Variants in FAM120B observed in about 807,000 individuals in gnomAD.
The protein encoded by FAM120B is family with sequence similarity 120 member B, also known as constitutive coactivator of peroxisome proliferator-activated receptor gamma.
A neutral mutation model predicts 96.3 loss-of-function variants in FAM120B; 83 were observed. The observed-to-expected ratio is 0.86, with a 90% CI of 0.72 to 1.03. FAM120B has a LOEUF of 1.03. FAM120B is among the 50% of genes least tolerant of loss of function. The pLI, the probability that FAM120B is intolerant of heterozygous loss-of-function variation, is 0.00. For missense variants in FAM120B, 1,027 were observed against 1,121.2 expected (o/e 0.92, Z 1.20); for synonymous variants, 407 against 402.7 (o/e 1.01, Z -0.13).
chr6:170,359,945 G>A (rs1232467669), intron 6 of FAM120B, among the ~76,000 whole-genome samples: 2 of 152,064 alleles, frequency 1.3e-5, no homozygotes, highest in Non-Finnish European at 2.9e-5. Flanking sequence ...TCTTCACGCC[G>A]AGCGGCAGCC....
At position 170,395,374 on chromosome 6, in the gene FAM120B, T is replaced by A. The variant is rs1046656038; in HGVS notation, c.2600-113T>A. 4.8e-6 allele frequency: 4 copies of A among 827,638 alleles called. No individual in the cohort carries two copies. In the African/African-American group the frequency reaches 5.1e-5, roughly 11 times the overall value. The allele number at this position is 827,638 out of a possible 1,614,324, so 51.3% of individuals were successfully genotyped here. ...GTTTTTTCATGACCCTCCCTCTGAT[T>A]TAAGTACGGGGATACTGCTGACCTG... On this transcript the variant is annotated intron_variant, in intron 8 of 10. Transcript: ENST00000476287.
At chr6:170,336,909 C>T (rs758092903) in intron 4 of FAM120B, among the ~76,000 whole-genome samples, 3 of 152,176 alleles carry the variant, frequency 2.0e-5, no homozygotes, top group Non-Finnish European at 4.4e-5. Context: ...GCTGAAGTTG[C>T]TTATCACCTT....
At chr6:170,356,384 T>A (rs1562561450) in intron 5 of FAM120B, among the ~76,000 whole-genome samples, 1 of 152,206 alleles carries the variant, frequency 6.6e-6, no homozygotes, top group East Asian at 1.9e-4. Context: ...CCAGGGATAA[T>A]AACTCTCAGA....
At chr6:170,392,692 C>G (rs1790537166) in intron 8 of FAM120B, among the ~76,000 whole-genome samples, 1 of 152,194 alleles carries the variant, frequency 6.6e-6, no homozygotes, top group Non-Finnish European at 1.5e-5. Context: ...TCTAGGAGAA[C>G]TACTTGGTGT....
chr6:170,355,090 G>T (rs1787817960), intron 5 of FAM120B, among the ~76,000 whole-genome samples: 1 of 152,182 alleles, frequency 6.6e-6, no homozygotes, highest in Non-Finnish European at 1.5e-5. Flanking sequence ...CGAGGTTGCA[G>T]AGAAACAGGA....
intron 6 of FAM120B, among the ~76,000 whole-genome samples, chr6:170,372,894 T>A (rs756362037): frequency 4.6e-5 from 7 of 152,358 alleles, no homozygotes; most frequent in Non-Finnish European, 8.8e-5. Context: ...TTTTGCTGTT[T>A]TGTTTACTAA....
rs571039714 is a variant in FAM120B, at chr6:170,358,369, C to T, written c.2283+51C>T. 8 of 1,243,190 alleles carry T rather than the reference C, an allele frequency of 6.4e-6. No homozygotes were observed. The Admixed American group carries it at 1.6e-4, about 25-fold the overall frequency. The allele number at this position is 1,243,190 out of a possible 1,614,324, so 77.0% of individuals were successfully genotyped here. On this transcript the variant is annotated intron_variant, in intron 6 of 10. Transcript: ENST00000476287. ...ACTGCCCGGAAGACAGCTGTGCAGT[C>T]CAGCCTTCTCTTTCCCATTATAGTT...
Position 170,391,056 on chromosome 6 carries a change from G to A in FAM120B, c.2534G>A (p.Cys845Tyr). The change falls in exon 8 of 11, where the codon TGC (cysteine) becomes TAC (tyrosine). Residue 845 changes from cysteine (C) to tyrosine (Y), a missense_variant. Around this residue, in one of 3 missense-constraint regions of FAM120B, gnomAD observed 142 missense variants for 122.5 expected, o/e 1.16. Transcript: ENST00000476287. ...TTCCACAACCTGAAGGCAGTCGTCT[G>A]CAAGGCCTGCATGAAGGAGAACAGA... Reference protein sequence around the residue: ...TKFHNLKAVVCKACMKENRRI... With the variant: ...TKFHNLKAVVYKACMKENRRI... 1 of 1,614,192 alleles carries A rather than the reference G, an allele frequency of 6.2e-7. No individual in the cohort carries two copies. The highest frequency in any genetic ancestry group is 1.3e-5 in the African/African-American group (1 of 75,058).
chr6:170,396,726 T>G (rs2115332136), intron 9 of FAM120B, among the ~76,000 whole-genome samples: 1 of 152,330 alleles, frequency 6.6e-6, no homozygotes, highest in East Asian at 1.9e-4. Context: ...TCCGAGTATT[T>G]ATACCAGTGC....
At chr6:170,352,706 C>G (rs1162123044) in intron 5 of FAM120B, among the ~76,000 whole-genome samples, 3 of 151,366 alleles carry the variant, frequency 2.0e-5, no homozygotes, top group Non-Finnish European at 4.4e-5. Flanking sequence ...TTAATGAGAA[C>G]AAAGAGACTA....
At chr6:170,350,177 C>T (rs957091504) in intron 5 of FAM120B, among the ~76,000 whole-genome samples, 5 of 152,168 alleles carry the variant, frequency 3.3e-5, no homozygotes, top group African/African-American at 1.2e-4. Context: ...GTACATATCC[C>T]TAGGAAAGGG....
chr6:170,390,958 C>A (rs953683261), intron 7 of FAM120B, 55 bp from the exon 8 acceptor site: 2 of 1,433,322 alleles, frequency 1.4e-6, no homozygotes, highest in Admixed American at 1.7e-5. Flanking sequence ...CACATCTGGC[C>A]CTACTTTGCC....
rs1014780550 is a variant in FAM120B, at chr6:170,404,917, A to G, written c.*166A>G. The G allele has an allele frequency of 8.6e-5, 29 of 338,926 alleles. No individual in the cohort carries two copies. The highest frequency in any genetic ancestry group is 4.4e-4 in the African/African-American group (21 of 47,592). The allele number at this position is 338,926 out of a possible 1,614,324, so 21.0% of individuals were successfully genotyped here. A position where few individuals can be genotyped will look rare whatever the true frequency, so the allele number is the denominator to read the frequency against. On this transcript the variant is annotated 3_prime_UTR_variant, in exon 11 of 11. Transcript: ENST00000476287. ...CCTTTTTCAATGGTGTCTCCCTCCC[A>G]TTGTGCAGAAGAGCTTTTGTTGGCT... is the stretch of plus-strand genomic sequence containing the variant.
chr6:170,324,000 G>A (rs959713265), intron 3 of FAM120B, among the ~76,000 whole-genome samples: 1 of 152,144 alleles, frequency 6.6e-6, no homozygotes, highest in Non-Finnish European at 1.5e-5. Flanking sequence ...GTACTTTATG[G>A]TCTGATTTGA....
intron 5 of FAM120B, among the ~76,000 whole-genome samples, chr6:170,349,822 C>T (rs1403380303): frequency 1.3e-5 from 2 of 152,146 alleles, no homozygotes; most frequent in Non-Finnish European, 2.9e-5. Flanking sequence ...CAGATTTTCA[C>T]ATTGGGACTG....
intron 1 of FAM120B, among the ~76,000 whole-genome samples, chr6:170,310,641 G>A (rs1021597739): frequency 1.3e-5 from 2 of 152,230 alleles, no homozygotes; most frequent in Admixed American, 6.5e-5. Flanking sequence ...CTGCTAGAAT[G>A]TGTCTTTGAC....
intron 9 of FAM120B, among the ~76,000 whole-genome samples, chr6:170,400,575 G>T (rs1778515064): frequency 6.6e-6 from 1 of 152,144 alleles, no homozygotes. Flanking sequence ...CCTGGCTTCT[G>T]ATCAGTGTGG....
upstream of FAM120B, among the ~76,000 whole-genome samples, chr6:170,294,470 G>A (rs1477208912): frequency 6.6e-6 from 1 of 152,146 alleles, no homozygotes; most frequent in African/African-American, 2.4e-5. This position sits in a 1 kb window ranked among gnomAD's most constrained non-coding sequence, Gnocchi z 7.9. Context: ...AATGATCAGA[G>A]CTGCAGCCAC....
intron 4 of FAM120B, among the ~76,000 whole-genome samples, chr6:170,347,190 G>C (rs935653593): frequency 6.6e-6 from 1 of 152,164 alleles, no homozygotes; most frequent in Non-Finnish European, 1.5e-5. Context: ...TTGGTTAGTA[G>C]GTTCTGTTTC....
Sources: allele counts gnomAD v4.1 joint callset (sites outside exome capture counted in the v4.1 genomes callset), GRCh38; gene constraint gnomAD v4.1.1; regional missense constraint gnomAD v4.1.1; non-coding constraint Gnocchi (gnomAD v3.1); transcripts MANE v1.5; gene names NCBI Gene and HGNC (gene_info 2026-07-23, HGNC 2026-07-21).